Variants in TMOD1 observed in about 807,000 individuals in gnomAD.
TMOD1 encodes the protein tropomodulin-1.
A neutral mutation model predicts 40.6 loss-of-function variants in TMOD1; 17 were observed. That is an observed-to-expected ratio of 0.42 (90% CI 0.29 to 0.63). The LOEUF (loss-of-function observed/expected upper bound fraction) is 0.63, where lower values mean the gene tolerates loss of function less well. Among genes scored for constraint, TMOD1 ranks in the 20% least tolerant of loss-of-function variants. The pLI, the probability that TMOD1 is intolerant of heterozygous loss-of-function variation, is 0.22. For missense variants in TMOD1, 391 were observed against 447.6 expected (o/e 0.87, Z 1.14); for synonymous variants, 181 against 175.0 (o/e 1.03, Z -0.27).
rs999345204 is a variant in TMOD1, at chr9:97,531,035, C to G, written c.120+6727C>G. ...ACTCCTGACCTTAGGTGATCCACAC[C>G]CACCCCCCCCACCACCCCTTGGCCT... On this transcript the variant is annotated intron_variant, in intron 2 of 9. Transcript: ENST00000259365. 1.8e-4 allele frequency among the ~76,000 whole-genome samples: 22 copies of G among 124,700 alleles called. 1 individual carries two copies. The highest frequency in any genetic ancestry group is 6.5e-4 in the African/African-American group (20 of 30,752). 81.8% of individuals were successfully genotyped at this position (124,700 alleles called of 152,430 possible). A position where few individuals can be genotyped will look rare whatever the true frequency, so the allele number is the denominator to read the frequency against.
intron 8 of TMOD1, among the ~76,000 whole-genome samples, chr9:97,574,942 ATAAAATGGACCAGTCGGCTCTCTG>A (rs1830898841): frequency 6.6e-6 from 1 of 152,214 alleles, no homozygotes; most frequent in Admixed American, 6.5e-5. Flanking sequence ...CCAGCTCTCT[ATAAAATGGACCAGTCGGCTCTCTG>A]TAAAATGGAC....
intron 2 of TMOD1, among the ~76,000 whole-genome samples, chr9:97,538,275 ACCT>A: frequency 6.6e-6 from 1 of 152,278 alleles, no homozygotes; most frequent in Non-Finnish European, 1.5e-5. Context: ...TTAGTCACTG[ACCT>A]CCTCAGATGA....
At chr9:97,532,074 C>T (rs1231746692) in intron 2 of TMOD1, among the ~76,000 whole-genome samples, 1 of 152,202 alleles carries the variant, frequency 6.6e-6, no homozygotes, top group African/African-American at 2.4e-5. Flanking sequence ...AGGAAGCAGC[C>T]AAGTTTGGTC....
At chr9:97,589,818 A>C (rs1042433670) in intron 8 of TMOD1, among the ~76,000 whole-genome samples, 2 of 152,094 alleles carry the variant, frequency 1.3e-5, no homozygotes, top group Non-Finnish European at 2.9e-5. Context: ...ACTATTAAGT[A>C]TGATGTTAGC....
chr9:97,531,982 G>A (rs1174479224), intron 2 of TMOD1, among the ~76,000 whole-genome samples: 1 of 152,104 alleles, frequency 6.6e-6, no homozygotes, highest in Non-Finnish European at 1.5e-5. Flanking sequence ...CACTCCACAT[G>A]GCTTCCCATC....
chr9:97,568,796 C>A (rs954261389), intron 7 of TMOD1, 98 bp from the exon 8 acceptor site: 1 of 1,406,714 alleles, frequency 7.1e-7, no homozygotes, highest in Non-Finnish European at 9.8e-7. Flanking sequence ...TGGAGATCAT[C>A]CTCCTGTTCC....
At chr9:97,515,953 T>C (rs1037211590) in intron 1 of TMOD1, among the ~76,000 whole-genome samples, 2 of 151,776 alleles carry the variant, frequency 1.3e-5, no homozygotes, top group African/African-American at 4.8e-5. Context: ...ATCGGAGGAG[T>C]GGTTATTGGC....
intron 1 of TMOD1, among the ~76,000 whole-genome samples, chr9:97,509,600 A>C (rs1328862186): frequency 6.6e-6 from 1 of 151,068 alleles, no homozygotes; most frequent in Non-Finnish European, 1.5e-5. Flanking sequence ...TCTGGGCTCA[A>C]GTGGTCCTCC....
upstream of TMOD1, chr9:97,501,275 T>C (rs921441221): frequency 1.3e-5 from 2 of 152,160 alleles, no homozygotes; most frequent in African/African-American, 4.8e-5. Flanking sequence ...GAGGTGAAGG[T>C]GCAGCAGCTG....
intron 2 of TMOD1, among the ~76,000 whole-genome samples, chr9:97,528,723 CT>C (rs1830054707): frequency 1.3e-5 from 2 of 152,198 alleles, no homozygotes; most frequent in South Asian, 4.1e-4. Context: ...GTGTCTGCCC[CT>C]CCCACGGCTT....
intron 2 of TMOD1, among the ~76,000 whole-genome samples, chr9:97,542,183 C>T (rs766137193): frequency 6.6e-6 from 1 of 152,102 alleles, no homozygotes; most frequent in African/African-American, 2.4e-5. Context: ...TTTTTGAAAA[C>T]GAGTTAAAGT....
At chr9:97,551,753 T>C (rs771927245) in intron 3 of TMOD1, among the ~76,000 whole-genome samples, 2 of 152,254 alleles carry the variant, frequency 1.3e-5, no homozygotes, top group African/African-American at 2.4e-5. Context: ...AAGGATTATA[T>C]TGGATCTGTA....
At position 97,559,135 on chromosome 9, in the gene TMOD1, G is replaced by A. The variant is rs78142310; in HGVS notation, c.398-3597G>A. 1.7e-3 allele frequency among the ~76,000 whole-genome samples: 258 copies of A among 152,196 alleles called. 3 individuals are homozygous for A. In the East Asian group the frequency reaches 0.028, roughly 17 times the overall value. On this transcript the variant is annotated intron_variant, in intron 4 of 9. Coordinates refer to ENST00000259365, the MANE Select transcript of TMOD1 (RefSeq NM_003275.4). ...TATATGATCCCCGCAAAACCTGTAC[G>A]AAACCCCAGCACATCCCAGAACCCC...
rs140866102 is a variant in TMOD1, at chr9:97,588,927, G to A, written c.871-2364G>A. ...AGTTCAGGAGTTTGAAAGCAGCCTG[G>A]CCAACATGGCAAAACCCTGTCTCTA... On this transcript the variant is annotated intron_variant, in intron 8 of 9. Transcript: ENST00000259365. Among the ~76,000 whole-genome samples the A allele has an allele frequency of 5.8e-3, 879 of 152,062 alleles. 3 individuals are homozygous for A. Among genetic ancestry groups the A allele is most frequent in the Non-Finnish European group, 9.4e-3 (641 of 67,972 alleles).
At chr9:97,523,199 G>T (rs1169186148) in intron 1 of TMOD1, among the ~76,000 whole-genome samples, 1 of 152,230 alleles carries the variant, frequency 6.6e-6, no homozygotes, top group East Asian at 1.9e-4. Flanking sequence ...CATGGTTATG[G>T]GAAGTAGCAG....
chr9:97,507,730 C>T lies in TMOD1; in HGVS notation c.-49+5927C>T, dbSNP rs572075200. On this transcript the variant is annotated intron_variant, in intron 1 of 9. Coordinates refer to ENST00000259365, the MANE Select transcript of TMOD1 (RefSeq NM_003275.4). Reference sequence around the variant, plus strand: ...TGAAGATGACAACTGTATTTGGACACTCAAATTGGCTCTGAGATGACTCAT... The same window carrying T: ...TGAAGATGACAACTGTATTTGGACATTCAAATTGGCTCTGAGATGACTCAT... Among the ~76,000 whole-genome samples, 154 of 152,206 alleles carry T rather than the reference C, an allele frequency of 1.0e-3. No homozygotes were observed. In the Middle Eastern group the frequency reaches 0.014, roughly 13 times the overall value.
At chr9:97,561,045 G>A (rs1011338605) in intron 4 of TMOD1, among the ~76,000 whole-genome samples, 2 of 152,170 alleles carry the variant, frequency 1.3e-5, no homozygotes, top group African/African-American at 2.4e-5. Flanking sequence ...GCCAGCCCAG[G>A]GAAGGCCTGT....
At chr9:97,530,580 C>T (rs1230159854) in intron 2 of TMOD1, among the ~76,000 whole-genome samples, 10 of 151,738 alleles carry the variant, frequency 6.6e-5, no homozygotes, top group Non-Finnish European at 5.9e-5. Context: ...CTCTGCCTCC[C>T]GGGTCCACGC....
Position 97,557,933 on chromosome 9 carries a change from T to G in TMOD1, c.397+4533T>G, listed in dbSNP as rs932805364. 2.0e-5 allele frequency among the ~76,000 whole-genome samples: 3 copies of G among 151,842 alleles called. No individual in the cohort carries two copies. The highest frequency in any genetic ancestry group is 7.3e-5 in the African/African-American group (3 of 41,328). On this transcript the variant is annotated intron_variant, in intron 4 of 9. Coordinates refer to ENST00000259365, the MANE Select transcript of TMOD1 (RefSeq NM_003275.4). The surrounding 1 kb of genome is among the most constrained non-coding windows in gnomAD (Gnocchi z 4.4). ...CAGCCTTGCCAATATCTACAAAGAA[T>G]GAAGCAACAGGCAATGTTGATGTGC...
Sources: allele counts gnomAD v4.1 joint callset (sites outside exome capture counted in the v4.1 genomes callset), GRCh38; gene constraint gnomAD v4.1.1; non-coding constraint Gnocchi (gnomAD v3.1); transcripts MANE v1.5; gene names NCBI Gene and HGNC (gene_info 2026-07-23, HGNC 2026-07-21).